GPR158: variants seen among roughly 807,000 people sequenced by gnomAD.
GPR158 encodes G protein-coupled receptor 158.
In GPR158, 30 loss-of-function variants were observed where a neutral mutation model predicts 78.2. The ratio of observed to expected loss-of-function variants is 0.38; its 90% CI spans 0.29 to 0.52. The LOEUF (loss-of-function observed/expected upper bound fraction) is 0.52, where lower values mean the gene tolerates loss of function less well. Among genes scored for constraint, GPR158 ranks in the 20% least tolerant of loss-of-function variants. The pLI, the probability that GPR158 is intolerant of heterozygous loss-of-function variation, is 0.83. For synonymous variants in GPR158, 581 were observed against 591.1 expected (o/e 0.98, Z 0.25); for missense variants, 1,463 against 1,523.5 (o/e 0.96, Z 0.66).
chr10:25,433,690 C>CTTTTTTTTTTTT lies in GPR158; in HGVS notation c.1335+21220_1335+21221insTTTTTTTTTTTT, dbSNP rs776105443. On this transcript the variant is annotated intron_variant, in intron 4 of 10. Transcript: ENST00000376351. The stretch of plus-strand genomic sequence containing the variant: ...GGCATTTTCCTTTCTTTCTTTCTTT[C>CTTTTTTTTTTTT]TTTCTTTTTTTTTTTTTTTTTGGTA... 1.1e-4 allele frequency among the ~76,000 whole-genome samples: 10 copies of CTTTTTTTTTTTT among 93,260 alleles called. 1 individual carries two copies. Among genetic ancestry groups the CTTTTTTTTTTTT allele is most frequent in the Non-Finnish European group, 1.8e-4 (8 of 43,310 alleles). The allele number at this position is 93,260 out of a possible 152,430, so 61.2% of individuals were successfully genotyped here.
intron 4 of GPR158, among the ~76,000 whole-genome samples, chr10:25,451,485 G>A (rs1045168515): frequency 3.3e-5 from 5 of 152,184 alleles, no homozygotes; most frequent in South Asian, 2.1e-4. Context: ...ACAGCAGGGC[G>A]TGGTTTCCTA....
At chr10:25,572,503 T>C in intron 6 of GPR158, 146 bp from the exon 7 acceptor site, 1 of 678,844 alleles carries the variant, frequency 1.5e-6, no homozygotes, top group Non-Finnish European at 2.6e-6. Flanking sequence ...ACCCTGTCTC[T>C]ACAACAAAAA....
chr10:25,496,340 T>A (rs1835880257), intron 5 of GPR158, among the ~76,000 whole-genome samples: 1 of 152,170 alleles, frequency 6.6e-6, no homozygotes, highest in African/African-American at 2.4e-5. Flanking sequence ...TCTTTTAACA[T>A]GAGAAATGGA....
chr10:25,582,230 G>C (rs886503904), intron 7 of GPR158, among the ~76,000 whole-genome samples: 1 of 152,166 alleles, frequency 6.6e-6, no homozygotes, highest in African/African-American at 2.4e-5. Context: ...GACATAGCCT[G>C]CTCCTCTGAC....
At chr10:25,406,876 A>G (rs1445573665) in intron 3 of GPR158, among the ~76,000 whole-genome samples, 1 of 152,174 alleles carries the variant, frequency 6.6e-6, no homozygotes, top group East Asian at 1.9e-4. Flanking sequence ...AAGATCAACA[A>G]TGAAGAGGAA....
chr10:25,416,619 CAAAAT>C (rs149873336), intron 4 of GPR158, among the ~76,000 whole-genome samples: 105,836 of 151,452 alleles, frequency 0.7, 37,968 homozygotes, highest in Non-Finnish European at 0.8. Flanking sequence ...AAAAAAGTAA[CAAAAT>C]AAAAAGTTGT....
At chr10:25,472,545 G>T (rs371919889) in intron 5 of GPR158, among the ~76,000 whole-genome samples, 1 of 152,102 alleles carries the variant, frequency 6.6e-6, no homozygotes, top group Non-Finnish European at 1.5e-5. Context: ...TCTATAATTT[G>T]CCTTGGGCAG....
At chr10:25,580,184 G>C (rs1235335465) in intron 7 of GPR158, among the ~76,000 whole-genome samples, 1 of 152,172 alleles carries the variant, frequency 6.6e-6, no homozygotes, top group Admixed American at 6.5e-5. Flanking sequence ...ATTCCATTTG[G>C]AAATTTTTAA....
intron 8 of GPR158, among the ~76,000 whole-genome samples, chr10:25,593,886 T>C (rs1837370484): frequency 6.6e-6 from 1 of 152,084 alleles, no homozygotes; most frequent in Non-Finnish European, 1.5e-5. Flanking sequence ...ATAACTGTTT[T>C]TAAACATTGA....
intron 6 of GPR158, among the ~76,000 whole-genome samples, chr10:25,554,515 A>T (rs79123698): frequency 0.015 from 2,311 of 152,266 alleles, 47 homozygotes; most frequent in African/African-American, 0.053. Context: ...GAGGAACAAG[A>T]TCACATTCTG....
At chr10:25,425,796 A>G (rs1834812525) in intron 4 of GPR158, among the ~76,000 whole-genome samples, 2 of 152,160 alleles carry the variant, frequency 1.3e-5, no homozygotes, top group East Asian at 1.9e-4. Flanking sequence ...CCTATTGCAT[A>G]TAGGTTGGCT....
intron 5 of GPR158, among the ~76,000 whole-genome samples, chr10:25,470,822 T>C (rs769923946): frequency 6.6e-6 from 1 of 152,106 alleles, no homozygotes; most frequent in Non-Finnish European, 1.5e-5. Context: ...CTGATGAAAA[T>C]TTTTAATTAT....
At chr10:25,364,845 A>G (rs1306310568) in intron 2 of GPR158, among the ~76,000 whole-genome samples, 16 of 151,814 alleles carry the variant, frequency 1.1e-4, no homozygotes. Context: ...TTTGGTGGTT[A>G]GAATTAGATT....
intron 2 of GPR158, among the ~76,000 whole-genome samples, chr10:25,372,109 G>T (rs963012344): frequency 6.7e-6 from 1 of 149,806 alleles, no homozygotes; most frequent in Non-Finnish European, 1.5e-5. Context: ...TGAAAAAAAT[G>T]CTCATCATCA....
Position 25,412,383 on chromosome 10 carries a change from T to C in GPR158, c.1245T>C (p.Tyr415=). Residue 415 remains tyrosine, a synonymous_variant, in exon 4 of 11, where the codon TAT becomes TAC. Transcript: ENST00000376351. The part of the protein sequence containing the change: ...DSPCFVQEDK[Y]LRLAIISFQA... ...CATGCTTCGTCCAGGAAGATAAGTA[T>C]TTACGACTTGCCATCATCTCCTTCC... 1 of 1,614,042 alleles carries C rather than the reference T, an allele frequency of 6.2e-7. No homozygotes were observed. The highest frequency in any genetic ancestry group is 8.5e-7 in the Non-Finnish European group (1 of 1,179,860).
chr10:25,393,494 C>T (rs905942444), intron 2 of GPR158: 17 of 152,168 alleles, frequency 1.1e-4, no homozygotes, highest in Admixed American at 3.9e-4. Flanking sequence ...GACGTCGTAA[C>T]GGAAGTAATG....
intron 5 of GPR158, among the ~76,000 whole-genome samples, chr10:25,487,551 G>A (rs910996310): frequency 6.6e-6 from 1 of 152,150 alleles, no homozygotes; most frequent in African/African-American, 2.4e-5. Context: ...GATGTGGATA[G>A]TGGAGCCAGA....
intron 1 of GPR158, among the ~76,000 whole-genome samples, chr10:25,196,118 A>G (rs1038135560): frequency 2.0e-5 from 3 of 151,930 alleles, no homozygotes; most frequent in Non-Finnish European, 4.4e-5. Context: ...TTTTATGATT[A>G]CATAAATTAT....
chr10:25,311,379 T>C (rs1048466895), intron 2 of GPR158, among the ~76,000 whole-genome samples: 1 of 151,962 alleles, frequency 6.6e-6, no homozygotes, highest in African/African-American at 2.4e-5. Flanking sequence ...TCACCTAGGC[T>C]TTGCATTTTT....
Sources: allele counts gnomAD v4.1 joint callset (sites outside exome capture counted in the v4.1 genomes callset), GRCh38; gene constraint gnomAD v4.1.1; transcripts MANE v1.5; gene names NCBI Gene and HGNC (gene_info 2026-07-23, HGNC 2026-07-21).